ATP6V0E1: variants seen among roughly 807,000 people sequenced by gnomAD.
The protein encoded by ATP6V0E1 is ATPase H+ transporting V0 subunit e1, also known as V-type proton ATPase subunit e 1.
A neutral mutation model predicts 11.6 loss-of-function variants in ATP6V0E1; 4 were observed. The observed-to-expected ratio is 0.35, with a 90% CI of 0.17 to 0.79. The LOEUF is 0.79. Among genes scored for constraint, ATP6V0E1 ranks in the 30% least tolerant of loss-of-function variants. The pLI is 0.54. For synonymous variants in ATP6V0E1, 36 were observed against 34.8 expected, an observed-to-expected ratio of 1.04 and a Z score of -0.13; for missense variants, 105 against 100.0, an observed-to-expected ratio of 1.05 and a Z score of -0.21.
chr5:172,985,064 G>C (rs1357183844), intron 1 of ATP6V0E1, among the ~76,000 whole-genome samples: 1 of 152,106 alleles, frequency 6.6e-6, no homozygotes, highest in African/African-American at 2.4e-5. Flanking sequence ...GGCTAACACG[G>C]TGAAACCCGT....
At chr5:173,012,598 CA>C (rs1332682948) in intron 2 of ATP6V0E1, among the ~76,000 whole-genome samples, 1 of 151,440 alleles carries the variant, frequency 6.6e-6, no homozygotes, top group East Asian at 2.0e-4. Context: ...ACTAAAAATA[CA>C]AAAAATTAGC....
At chr5:173,021,427 C>G (rs1683652453) in intron 3 of ATP6V0E1, among the ~76,000 whole-genome samples, 1 of 152,094 alleles carries the variant, frequency 6.6e-6, no homozygotes, top group South Asian at 2.1e-4. Context: ...CAGAACCAAG[C>G]AAAAGGGGTC....
At chr5:173,004,548 G>A (rs918739832) in intron 2 of ATP6V0E1, among the ~76,000 whole-genome samples, 2 of 152,130 alleles carry the variant, frequency 1.3e-5, no homozygotes, top group Admixed American at 6.6e-5. Context: ...GGGAAGATTT[G>A]GAAGAAAAGA....
chr5:172,987,857 C>T (rs908955807), intron 1 of ATP6V0E1, among the ~76,000 whole-genome samples: 10 of 151,938 alleles, frequency 6.6e-5, no homozygotes, highest in Non-Finnish European at 1.2e-4. Flanking sequence ...AGGACATAGG[C>T]GTGCACCACT....
At chr5:173,017,658 T>C (rs972500463) in intron 2 of ATP6V0E1, among the ~76,000 whole-genome samples, 7 of 150,506 alleles carry the variant, frequency 4.7e-5, no homozygotes, top group African/African-American at 1.2e-4. Flanking sequence ...CTGGCCAACA[T>C]AGTGAAACCT....
chr5:173,012,669 G>T (rs568944213), intron 2 of ATP6V0E1, among the ~76,000 whole-genome samples: 2 of 151,526 alleles, frequency 1.3e-5, no homozygotes, highest in Non-Finnish European at 2.9e-5. Context: ...CAGGAGAATC[G>T]CTTGAACCTG....
At chr5:173,008,640 T>G (rs1345195692) in intron 2 of ATP6V0E1, among the ~76,000 whole-genome samples, 11 of 140,744 alleles carry the variant, frequency 7.8e-5, no homozygotes, top group Non-Finnish European at 1.2e-4. Context: ...CTGGGCGCGG[T>G]GGCTCACACC....
At chr5:173,024,904 G>A (rs1405361128) in intron 3 of ATP6V0E1, among the ~76,000 whole-genome samples, 2 of 142,582 alleles carry the variant, frequency 1.4e-5, no homozygotes, top group Admixed American at 7.1e-5. Flanking sequence ...GTGCGGTGGC[G>A]TGATCTGGGC....
chr5:172,989,838 T>A (rs1755953064), intron 1 of ATP6V0E1, among the ~76,000 whole-genome samples: 1 of 151,940 alleles, frequency 6.6e-6, no homozygotes, highest in African/African-American at 2.4e-5. Flanking sequence ...GAAGATTTTT[T>A]AAAATTTATT....
At chr5:173,030,127 C>T (rs1359050397) in intron 3 of ATP6V0E1, among the ~76,000 whole-genome samples, 2 of 152,212 alleles carry the variant, frequency 1.3e-5, no homozygotes, top group Admixed American at 6.5e-5. Context: ...GCACTTCCTT[C>T]CTTGGCTACT....
At chr5:173,016,797 TATA>T (rs750891510) in intron 2 of ATP6V0E1, among the ~76,000 whole-genome samples, 3 of 152,230 alleles carry the variant, frequency 2.0e-5, no homozygotes, top group Non-Finnish European at 4.4e-5. Context: ...TTCCTTTTTT[TATA>T]ATGTCAGATG....
intron 2 of ATP6V0E1, among the ~76,000 whole-genome samples, chr5:173,000,788 C>T (rs1269210695): frequency 6.6e-6 from 1 of 151,688 alleles, no homozygotes; most frequent in Non-Finnish European, 1.5e-5. Context: ...GCAACCTCCA[C>T]CTCCCAGGTT....
intron 2 of ATP6V0E1, among the ~76,000 whole-genome samples, chr5:172,997,384 A>G (rs1453672682): frequency 6.6e-6 from 1 of 152,122 alleles, no homozygotes; most frequent in African/African-American, 2.4e-5. Flanking sequence ...TCCTTTGGGG[A>G]AATGGCTGTT....
At chr5:173,019,423 C>T (rs1233396091) in intron 2 of ATP6V0E1, among the ~76,000 whole-genome samples, 5 of 151,944 alleles carry the variant, frequency 3.3e-5, no homozygotes, top group Admixed American at 1.3e-4. Context: ...GGCGTGGTGG[C>T]GGGCGCCTGT....
intron 2 of ATP6V0E1, among the ~76,000 whole-genome samples, chr5:173,003,788 A>G: frequency 6.6e-6 from 1 of 152,246 alleles, no homozygotes; most frequent in South Asian, 2.1e-4. Context: ...CAACTGGTAC[A>G]TGCTAATTAG....
At chr5:173,011,774 C>G (rs113218282) in intron 2 of ATP6V0E1, among the ~76,000 whole-genome samples, 1 of 152,084 alleles carries the variant, frequency 6.6e-6, no homozygotes, top group East Asian at 1.9e-4. Flanking sequence ...CGGTACAGTT[C>G]GGGCAAACAT....
At chr5:173,008,930 A>AGC (rs1219743432) in intron 2 of ATP6V0E1, among the ~76,000 whole-genome samples, 292 of 148,918 alleles carry the variant, frequency 2.0e-3, no homozygotes, top group African/African-American at 6.9e-3. Context: ...AAAAAAAAAA[A>AGC]AAAACTCAAC....
chr5:172,999,036 T>G (rs148534933), intron 2 of ATP6V0E1, among the ~76,000 whole-genome samples: 1 of 152,108 alleles, frequency 6.6e-6, no homozygotes, highest in East Asian at 1.9e-4. Flanking sequence ...CTAAGGAGGC[T>G]GAGGCAGGAG....
chr5:172,984,686 G>C lies in ATP6V0E1; in HGVS notation c.104+722G>C, dbSNP rs560390975. On this transcript the variant is annotated intron_variant, in intron 1 of 3. Transcript: ENST00000519374. The stretch of plus-strand genomic sequence containing the variant: ...TTTGGAATTAAACTTTTTAACTGTA[G>C]TATAAAATAGAGGCTTAATCTTCAA... Among the ~76,000 whole-genome samples, 4 of 152,316 alleles carry C rather than the reference G, an allele frequency of 2.6e-5. No individual in the cohort carries two copies. The East Asian group carries it at 7.7e-4, about 29-fold the overall frequency.
Sources: allele counts gnomAD v4.1 joint callset (sites outside exome capture counted in the v4.1 genomes callset), GRCh38; gene constraint gnomAD v4.1.1; transcripts MANE v1.5; gene names NCBI Gene and HGNC (gene_info 2026-07-23, HGNC 2026-07-21).